The following MTHFD2L variants were observed in gnomAD, a reference collection of about 807,000 sequenced individuals.
MTHFD2L encodes the protein bifunctional methylenetetrahydrofolate dehydrogenase/cyclohydrolase 2, mitochondrial.
Under a neutral mutation model 34.9 loss-of-function variants are expected in MTHFD2L, and 29 were observed. That is an observed-to-expected ratio of 0.83 (90% CI 0.62 to 1.13). MTHFD2L has a LOEUF of 1.13. Ranked by LOEUF, MTHFD2L falls within the 50% of genes most tolerant of loss-of-function variation. The probability of loss-of-function intolerance (pLI) is 0.00; values close to 1 mark genes in which losing one functional copy is unlikely to be tolerated. For synonymous variants in MTHFD2L, 167 were observed against 155.7 expected (o/e 1.07, Z -0.54); for missense variants, 481 against 446.5 (o/e 1.08, Z -0.70).
chr4:74,247,616 T>C (rs1742669566), intron 6 of MTHFD2L, among the ~76,000 whole-genome samples: 1 of 152,184 alleles, frequency 6.6e-6, no homozygotes, highest in Admixed American at 6.5e-5. Context: ...GGCTGTGGGT[T>C]TGTCATAGAT....
intron 3 of MTHFD2L, among the ~76,000 whole-genome samples, chr4:74,198,775 G>A (rs892432048): frequency 6.6e-6 from 1 of 152,068 alleles, no homozygotes; most frequent in Non-Finnish European, 1.5e-5. Flanking sequence ...ACTATTGAAT[G>A]GAGAGACTTT....
At chr4:74,267,300 T>G in intron 6 of MTHFD2L, 1 of 859,736 alleles carries the variant, frequency 1.2e-6, no homozygotes, top group Non-Finnish European at 1.4e-6. Flanking sequence ...TTTTCTTTTC[T>G]TTTCTTTTCT....
At chr4:74,138,681 G>A (rs543910782) in intron 1 of MTHFD2L, among the ~76,000 whole-genome samples, 2 of 152,280 alleles carry the variant, frequency 1.3e-5, no homozygotes, top group South Asian at 2.1e-4. Context: ...TGGGAGGGCA[G>A]CAAACAGCAG....
At chr4:74,151,825 G>T (rs1431612363) in intron 1 of MTHFD2L, among the ~76,000 whole-genome samples, 1 of 152,112 alleles carries the variant, frequency 6.6e-6, no homozygotes, top group East Asian at 1.9e-4. Flanking sequence ...ACTCATCACA[G>T]TCTTAATGTT....
upstream of MTHFD2L, chr4:74,157,583 A>G (rs1398819182): frequency 4.6e-6 from 2 of 437,408 alleles, no homozygotes; most frequent in African/African-American, 4.1e-5. Flanking sequence ...AGAAGTATAG[A>G]AATCCTAAAG....
rs78914036 is a variant in MTHFD2L, at chr4:74,241,673, C to T, written c.805+16279C>T. The T allele has an allele frequency of 4.6e-5, 17 of 371,048 alleles. No homozygotes were observed. The East Asian group carries it at 7.0e-4, about 15-fold the overall frequency. 23.0% of individuals were successfully genotyped at this position (371,048 alleles called of 1,614,324 possible). A position where few individuals can be genotyped will look rare whatever the true frequency, so the allele number is the denominator to read the frequency against. On this transcript the variant is annotated intron_variant, in intron 6 of 7. Transcript: ENST00000325278. The stretch of plus-strand genomic sequence containing the variant: ...GATTACAGGCATGAGCCACCACACC[C>T]GGCACTATATAAGTATTTTAGACCT...
chr4:74,180,919 CATTTT>C (rs748763560), intron 3 of MTHFD2L: 7 of 175,578 alleles, frequency 4.0e-5, no homozygotes, highest in Middle Eastern at 7.2e-4. Context: ...TCTAAGTAGG[CATTTT>C]ATTTTATTTT....
chr4:74,265,000 T>C (rs1057005696), intron 6 of MTHFD2L, among the ~76,000 whole-genome samples: 6 of 152,226 alleles, frequency 3.9e-5, no homozygotes, highest in South Asian at 2.1e-4. Context: ...CACATTTCAA[T>C]TGATGAGTAT....
chr4:74,136,430 A>T (rs926662505), intron 1 of MTHFD2L, among the ~76,000 whole-genome samples: 15 of 152,070 alleles, frequency 9.9e-5, no homozygotes, highest in African/African-American at 3.4e-4. Flanking sequence ...GATGTGAAAG[A>T]CCTACACAAG....
At chr4:74,121,955 C>T (rs1404871746), upstream of MTHFD2L, among the ~76,000 whole-genome samples, 1 of 151,940 alleles carries the variant, frequency 6.6e-6, no homozygotes, top group African/African-American at 2.4e-5. Flanking sequence ...AATATCAAAC[C>T]TGTTGAAACC....
chr4:74,252,428 G>T (rs1016880398), intron 6 of MTHFD2L, among the ~76,000 whole-genome samples: 3 of 151,844 alleles, frequency 2.0e-5, no homozygotes, highest in Non-Finnish European at 4.4e-5. Context: ...AAACCTGAGG[G>T]TGAGGAAAAT....
intron 6 of MTHFD2L, among the ~76,000 whole-genome samples, chr4:74,252,078 G>A (rs1037760119): frequency 1.3e-5 from 2 of 152,230 alleles, no homozygotes; most frequent in African/African-American, 2.4e-5. Context: ...TGCACAACTT[G>A]TATGGTGCTG....
chr4:74,253,361 ATGAATT>A lies in MTHFD2L; in HGVS notation c.805+27972_805+27977del, dbSNP rs558495114. Among the ~76,000 whole-genome samples, 208 of 152,362 alleles carry A rather than the reference ATGAATT, an allele frequency of 1.4e-3. 1 individual carries two copies. Among genetic ancestry groups the A allele is most frequent in the African/African-American group, 4.4e-3 (185 of 41,584 alleles). On this transcript the variant is annotated intron_variant, in intron 6 of 7. Coordinates refer to ENST00000325278, the MANE Select transcript of MTHFD2L (RefSeq NM_001144978.3). ...CTAGCACTTGCTTCCTCACAGAAAC[ATGAATT>A]TGAACAAACATCCATTGCAAGAAAA...
upstream of MTHFD2L, among the ~76,000 whole-genome samples, chr4:74,124,234 C>T (rs11947086): frequency 2.4e-3 from 357 of 151,594 alleles, 1 homozygote; most frequent in Non-Finnish European, 3.6e-3. Context: ...TTTTAGCATG[C>T]GTTTTCTGTA....
intron 3 of MTHFD2L, among the ~76,000 whole-genome samples, chr4:74,185,151 C>CAAAAAAAAAAAAAAAAA (rs1169021073): frequency 6.3e-5 from 1 of 15,982 alleles, no homozygotes; most frequent in Non-Finnish European, 1.3e-4. Flanking sequence ...GACTCCATCT[C>CAAAAAAAAAAAAAAAAA]AAAAAAAAAA....
At chr4:74,293,520 T>C in intron 7 of MTHFD2L, 1 of 984,242 alleles carries the variant, frequency 1.0e-6, no homozygotes, top group African/African-American at 1.7e-5. Context: ...TCAATATATT[T>C]AGAAAACTTG....
At chr4:74,216,243 TTC>T (rs748427184) in intron 5 of MTHFD2L, among the ~76,000 whole-genome samples, 8 of 151,930 alleles carry the variant, frequency 5.3e-5, no homozygotes, top group South Asian at 2.1e-4. Flanking sequence ...TTTCTTCTCA[TTC>T]TCTGTTTCTG....
intron 5 of MTHFD2L, among the ~76,000 whole-genome samples, chr4:74,205,329 G>A (rs1452804148): frequency 6.6e-6 from 1 of 152,122 alleles, no homozygotes; most frequent in African/African-American, 2.4e-5. Flanking sequence ...TAATGAAGGA[G>A]GACTAACTCG....
chr4:74,165,067 A>T (rs950585326), intron 1 of MTHFD2L: 1 of 815,082 alleles, frequency 1.2e-6, no homozygotes, highest in Non-Finnish European at 1.5e-6. Flanking sequence ...AAACTAGCAC[A>T]TTTTTTAGAG....
Sources: allele counts gnomAD v4.1 joint callset (sites outside exome capture counted in the v4.1 genomes callset), GRCh38; gene constraint gnomAD v4.1.1; transcripts MANE v1.5; gene names NCBI Gene and HGNC (gene_info 2026-07-23, HGNC 2026-07-21).